The following CUX2 variants were observed in gnomAD, a reference collection of about 807,000 sequenced individuals.
CUX2 encodes the protein homeobox protein cut-like 2.
Under a neutral mutation model 144.8 loss-of-function variants are expected in CUX2, and 40 were observed. The observed-to-expected ratio is 0.28, with a 90% CI of 0.21 to 0.36. CUX2 has a LOEUF of 0.36. CUX2 is among the 10% of genes least tolerant of loss of function. The probability of loss-of-function intolerance (pLI) is 1.00; values close to 1 mark genes in which losing one functional copy is unlikely to be tolerated. For missense variants in CUX2, 1,615 were observed against 1,994.0 expected (o/e 0.81, Z 3.62); for synonymous variants, 827 against 875.6 (o/e 0.94, Z 0.98).
chr12:111,150,191 G>C (rs1407118669), intron 1 of CUX2, among the ~76,000 whole-genome samples: 4 of 152,208 alleles, frequency 2.6e-5, no homozygotes, highest in Admixed American at 2.6e-4. Context: ...AGCTAAATGC[G>C]AAGTGGCAAG....
chr12:111,142,219 T>G (rs1876370064), intron 1 of CUX2, among the ~76,000 whole-genome samples: 1 of 152,202 alleles, frequency 6.6e-6, no homozygotes, highest in African/African-American at 2.4e-5. Context: ...ATGAGCCACA[T>G]GCAAAGTATG....
rs1887589982 is a variant in CUX2, at chr12:111,322,601, C to T, written c.2926+21C>T. ...CCAGGGTGAGTGCGGGCAGGAGCAT[C>T]TCAGGGGGTGCTGGCAAACTTCCCA... On this transcript the variant is annotated intron_variant, in intron 18 of 21. Transcript: ENST00000261726. This position sits in a 1 kb window ranked among gnomAD's most constrained non-coding sequence, Gnocchi z 4.2. 1 of 1,601,202 alleles carries T rather than the reference C, an allele frequency of 6.2e-7. No homozygotes were observed. The highest frequency in any genetic ancestry group is 8.5e-7 in the Non-Finnish European group (1 of 1,178,928).
intron 1 of CUX2, among the ~76,000 whole-genome samples, chr12:111,196,695 C>T (rs1031221524): frequency 6.6e-6 from 1 of 152,156 alleles, no homozygotes; most frequent in African/African-American, 2.4e-5. Context: ...GTAGCCACTA[C>T]CCGTTGTGGT....
At chr12:111,315,468 C>T (rs1312107509) in intron 16 of CUX2, among the ~76,000 whole-genome samples, 1 of 152,170 alleles carries the variant, frequency 6.6e-6, no homozygotes, top group Non-Finnish European at 1.5e-5. Flanking sequence ...TGTATAATCC[C>T]AACACTTTGG....
chr12:111,340,197 TA>T (rs560397298), intron 20 of CUX2, among the ~76,000 whole-genome samples: 9 of 151,204 alleles, frequency 6.0e-5, no homozygotes, highest in South Asian at 2.1e-4. Flanking sequence ...AGACTCCATC[TA>T]AAAAAAAATG....
intron 4 of CUX2, among the ~76,000 whole-genome samples, chr12:111,265,595 A>T (rs1254726483): frequency 6.6e-6 from 1 of 151,956 alleles, no homozygotes; most frequent in East Asian, 1.9e-4. Flanking sequence ...CGCCCACCTC[A>T]GCCTCCCAAA....
At chr12:111,119,007 A>T (rs1182068207) in intron 1 of CUX2, among the ~76,000 whole-genome samples, 1 of 152,192 alleles carries the variant, frequency 6.6e-6, no homozygotes, top group Non-Finnish European at 1.5e-5. Flanking sequence ...CCCATCTCCT[A>T]ATCTGGGCTC....
intron 1 of CUX2, among the ~76,000 whole-genome samples, chr12:111,153,427 A>C (rs1877183243): frequency 6.6e-6 from 1 of 152,192 alleles, no homozygotes; most frequent in African/African-American, 2.4e-5. Context: ...ACAAACCTAG[A>C]CAGTAGAGCC....
chr12:111,089,659 A>G lies in CUX2; in HGVS notation c.63+55419A>G, dbSNP rs544872662. 5.3e-5 allele frequency among the ~76,000 whole-genome samples: 8 copies of G among 152,328 alleles called. No homozygotes were observed. The South Asian group carries it at 1.7e-3, about 32-fold the overall frequency. On this transcript the variant is annotated intron_variant, in intron 1 of 21. Transcript: ENST00000261726. ...GAGGCAGCATCGAAGCTGAGAGCTG[A>G]AAGATGGCTGGGCATTCCTAGGTTA...
At chr12:111,241,314 C>T (rs1270977631) in intron 3 of CUX2, among the ~76,000 whole-genome samples, 2 of 152,124 alleles carry the variant, frequency 1.3e-5, no homozygotes, top group Non-Finnish European at 2.9e-5. Context: ...CTCACTAGGC[C>T]CCGACTCCCA....
chr12:111,193,724 C>A (rs570082493), intron 1 of CUX2, among the ~76,000 whole-genome samples: 1 of 152,338 alleles, frequency 6.6e-6, no homozygotes, highest in African/African-American at 2.4e-5. Flanking sequence ...GGACCTCTCA[C>A]TGGCTGGAGT....
At chr12:111,319,301 A>G (rs1887381222) in intron 16 of CUX2, among the ~76,000 whole-genome samples, 1 of 151,828 alleles carries the variant, frequency 6.6e-6, no homozygotes, top group East Asian at 1.9e-4. Context: ...AAAGGAAGGA[A>G]GAAAGGGAAG....
intron 1 of CUX2, among the ~76,000 whole-genome samples, chr12:111,081,707 G>A (rs1165332138): frequency 6.6e-6 from 1 of 152,230 alleles, no homozygotes; most frequent in Non-Finnish European, 1.5e-5. Flanking sequence ...GTGATTTCTG[G>A]ATGCAGCGGG....
chr12:111,224,910 C>G (rs1393153588), intron 3 of CUX2, among the ~76,000 whole-genome samples: 1 of 151,964 alleles, frequency 6.6e-6, no homozygotes, highest in Non-Finnish European at 1.5e-5. Flanking sequence ...TTTTACTTTT[C>G]TTTTTTTTAA....
chr12:111,204,624 G>A (rs1034668200), intron 1 of CUX2, among the ~76,000 whole-genome samples: 2 of 152,148 alleles, frequency 1.3e-5, no homozygotes, highest in East Asian at 1.9e-4. Context: ...GATGTGGGAC[G>A]AGTGGCTTTG....
intron 4 of CUX2, among the ~76,000 whole-genome samples, chr12:111,269,268 C>T (rs531516267): frequency 6.6e-6 from 1 of 152,334 alleles, no homozygotes; most frequent in East Asian, 1.9e-4. Context: ...ACCTGGTACA[C>T]AGTAGGCACC....
At chr12:111,230,230 T>G (rs1882397824) in intron 3 of CUX2, among the ~76,000 whole-genome samples, 8 of 144,036 alleles carry the variant, frequency 5.6e-5, no homozygotes, top group Admixed American at 2.1e-4. Flanking sequence ...AGGGGAGGAA[T>G]GGGGAGAGGG....
Position 111,191,738 on chromosome 12 carries a change from T to C in CUX2, c.64-22462T>C, listed in dbSNP as rs530607156. Among the ~76,000 whole-genome samples the C allele has an allele frequency of 2.6e-5, 4 of 152,376 alleles. No individual in the cohort carries two copies. In the East Asian group the frequency reaches 5.8e-4, roughly 22 times the overall value. ...GTGCCTTCTCCCACTTCCAGGCCTT[T>C]GGACCTGCTGTTCCTCTTGCCTGGA... On this transcript the variant is annotated intron_variant, in intron 1 of 21. Transcript: ENST00000261726.
At chr12:111,245,175 T>C (rs1883220154) in intron 3 of CUX2, among the ~76,000 whole-genome samples, 1 of 152,154 alleles carries the variant, frequency 6.6e-6, no homozygotes, top group South Asian at 2.1e-4. Flanking sequence ...TAAATCATGT[T>C]GTTTCAAAGT....
Sources: gnomAD v4.1 joint callset for allele counts (sites outside exome capture counted in the v4.1 genomes callset) on GRCh38, gnomAD v4.1.1 for gene constraint, Gnocchi (gnomAD v3.1) non-coding constraint, MANE v1.5 for transcripts, NCBI Gene and HGNC (gene_info 2026-07-23, HGNC 2026-07-21) for gene names.